The following CREB5 variants were observed in gnomAD, a reference collection of about 807,000 sequenced individuals.
CREB5 encodes cAMP responsive element binding protein 5.
A neutral mutation model predicts 57.1 loss-of-function variants in CREB5; 19 were observed. That is an observed-to-expected ratio of 0.33 (90% CI 0.23 to 0.49). The LOEUF (loss-of-function observed/expected upper bound fraction) is 0.49. CREB5 is among the 20% of genes least tolerant of loss of function. CREB5 has a pLI of 0.99. For synonymous variants in CREB5, 238 were observed against 238.3 expected (o/e 1.00, Z 0.01); for missense variants, 579 against 671.6 (o/e 0.86, Z 1.52).
intron 5 of CREB5, among the ~76,000 whole-genome samples, chr7:28,672,462 C>A (rs368539643): frequency 7.8e-4 from 119 of 152,144 alleles, no homozygotes; most frequent in Non-Finnish European, 1.1e-3. Context: ...AAAAAATGCT[C>A]TTTTCATAAT....
chr7:28,413,897 C>T (rs1046015621), intron 1 of CREB5, among the ~76,000 whole-genome samples: 5 of 152,240 alleles, frequency 3.3e-5, no homozygotes, highest in African/African-American at 9.6e-5. Context: ...CATGGAGTTT[C>T]CATGATGGCA....
At position 28,512,117 on chromosome 7, in the gene CREB5, G is replaced by A. The variant is rs78561023; in HGVS notation, c.291+4380G>A. On this transcript the variant is annotated intron_variant, in intron 4 of 10. Transcript: ENST00000357727. The stretch of plus-strand genomic sequence containing the variant: ...GATGGGATTGCCTGTGGGAGGAGTG[G>A]GTTTAAGGGGAAAATTGGGGGTTTC... Among the ~76,000 whole-genome samples the A allele has an allele frequency of 4.7e-3, 717 of 152,300 alleles. 7 individuals carry two copies. The highest frequency in any genetic ancestry group is 0.016 in the African/African-American group (679 of 41,554).
chr7:28,604,774 T>C (rs375670543), intron 5 of CREB5, among the ~76,000 whole-genome samples: 15 of 152,086 alleles, frequency 9.9e-5, no homozygotes, highest in Non-Finnish European at 1.2e-4. Flanking sequence ...AGCCCTATCA[T>C]TGGGGCCAAA....
chr7:28,644,111 G>A (rs964000290), intron 5 of CREB5, among the ~76,000 whole-genome samples: 1 of 150,246 alleles, frequency 6.7e-6, no homozygotes, highest in African/African-American at 2.4e-5. Flanking sequence ...AGGGAGGGGA[G>A]AAAGACAGAG....
intron 5 of CREB5, chr7:28,686,197 G>A: frequency 6.2e-7 from 1 of 1,610,310 alleles, no homozygotes; most frequent in African/African-American, 1.3e-5. Flanking sequence ...ATGTCCATGA[G>A]GTTTGTTTTT....
In CREB5 at chr7:28,809,244, A is replaced by C. The variant is rs762852328; in HGVS notation, c.1084A>C (p.Thr362Pro). ...PTQTIQPPQP[T>P]GGRRRRVVDE... Reference sequence around the variant, plus strand: ...CCAGACAATACAGCCACCCCAGCCCACAGGGGGGCGCCGGCGAAGGGTGGT... The same window carrying C: ...CCAGACAATACAGCCACCCCAGCCCCCAGGGGGGCGCCGGCGAAGGGTGGT... Residue 362 changes from threonine to proline, a missense_variant, in exon 9 of 11, where the codon ACA becomes CCA. Thr to Pro is a conservative substitution (Grantham distance 38, BLOSUM62 -1). Coordinates refer to ENST00000357727, the MANE Select transcript of CREB5 (RefSeq NM_182898.4). 8 of 1,614,100 alleles carry C rather than the reference A, an allele frequency of 5.0e-6. No homozygotes were observed. In the East Asian group the frequency reaches 1.6e-4, roughly 31 times the overall value.
chr7:28,301,746 TC>T (rs561449995), intron 1 of CREB5, among the ~76,000 whole-genome samples: 2 of 152,374 alleles, frequency 1.3e-5, no homozygotes, highest in African/African-American at 4.8e-5. Flanking sequence ...AAATGTTTGT[TC>T]TGTTGTTTAC....
At chr7:28,484,776 C>A (rs1012561598) in intron 1 of CREB5, among the ~76,000 whole-genome samples, 3 of 152,156 alleles carry the variant, frequency 2.0e-5, no homozygotes, top group African/African-American at 7.2e-5. Flanking sequence ...GACTGTATTT[C>A]TCAACTTGTG....
At chr7:28,480,404 C>A (rs989178707) in intron 1 of CREB5, among the ~76,000 whole-genome samples, 4 of 152,142 alleles carry the variant, frequency 2.6e-5, no homozygotes, top group African/African-American at 7.2e-5. Context: ...TTCATGGGGG[C>A]AGTTATTTTA....
chr7:28,700,830 AAGTTTCACAGATAG>A (rs1801816691), intron 5 of CREB5, among the ~76,000 whole-genome samples: 1 of 152,154 alleles, frequency 6.6e-6, no homozygotes, highest in Non-Finnish European at 1.5e-5. Flanking sequence ...ACTCAGGCCT[AAGTTTCACAGATAG>A]AGTTACGATG....
chr7:28,440,801 C>T (rs1382393179), intron 1 of CREB5, among the ~76,000 whole-genome samples: 2 of 152,006 alleles, frequency 1.3e-5, no homozygotes, highest in Admixed American at 6.6e-5. Flanking sequence ...CATCAGGTGG[C>T]GTGGAGTTCA....
chr7:28,732,241 G>T (rs1384640746), intron 7 of CREB5, among the ~76,000 whole-genome samples: 2 of 151,908 alleles, frequency 1.3e-5, no homozygotes, highest in African/African-American at 4.8e-5. Flanking sequence ...TTCTCTTTCT[G>T]CCAGTATCCA....
chr7:28,502,069 A>C (rs976660555), intron 3 of CREB5, among the ~76,000 whole-genome samples: 5 of 152,012 alleles, frequency 3.3e-5, no homozygotes, highest in Non-Finnish European at 5.9e-5. Flanking sequence ...TTGCTTAAAA[A>C]CCAGGTCTGC....
chr7:28,758,316 C>T (rs1026893792), intron 7 of CREB5, among the ~76,000 whole-genome samples: 24 of 152,158 alleles, frequency 1.6e-4, no homozygotes, highest in African/African-American at 4.1e-4. Context: ...TCCTGCTCAG[C>T]GGCTTGGCCG....
intron 1 of CREB5, among the ~76,000 whole-genome samples, chr7:28,369,929 G>C (rs1010505462): frequency 6.6e-6 from 1 of 152,122 alleles, no homozygotes; most frequent in Non-Finnish European, 1.5e-5. Context: ...TGCTTCTGTG[G>C]AACCTGAATA....
In CREB5 at chr7:28,330,625, C is replaced by CAA. The variant is rs35288750; in HGVS notation, c.-25+31194_-25+31195dup. On this transcript the variant is annotated intron_variant, in intron 1 of 9. Transcript: ENST00000396299. ...AAACAGAATAGTGAAAGTGAAGCAG[C>CAA]AAAAAAAAAAACAACCACAGACTAT... 1.5e-3 allele frequency among the ~76,000 whole-genome samples: 214 copies of CAA among 140,846 alleles called. 3 individuals carry two copies. Among genetic ancestry groups the CAA allele is most frequent in the Middle Eastern group, 3.6e-3 (1 of 276 alleles). The allele number at this position is 140,846 out of a possible 152,430, so 92.4% of individuals were successfully genotyped here.
chr7:28,585,329 C>CA (rs1162743922), intron 5 of CREB5, among the ~76,000 whole-genome samples: 1 of 152,178 alleles, frequency 6.6e-6, no homozygotes, highest in African/African-American at 2.4e-5. Context: ...AAGGAAAGGA[C>CA]ACCAGGGACT....
At chr7:28,775,995 C>G (rs759738170) in intron 7 of CREB5, among the ~76,000 whole-genome samples, 1 of 152,172 alleles carries the variant, frequency 6.6e-6, no homozygotes, top group African/African-American at 2.4e-5. Context: ...AGCAAATTAA[C>G]ATCTGATACA....
chr7:28,400,646 A>G (rs1169475299), intron 1 of CREB5, among the ~76,000 whole-genome samples: 1 of 152,228 alleles, frequency 6.6e-6, no homozygotes, highest in African/African-American at 2.4e-5. Context: ...TTCAAGATTC[A>G]AATGAAGTTC....
Sources: allele counts gnomAD v4.1 joint callset (sites outside exome capture counted in the v4.1 genomes callset), GRCh38; gene constraint gnomAD v4.1.1; transcripts MANE v1.5; gene names NCBI Gene and HGNC (gene_info 2026-07-23, HGNC 2026-07-21).